The following COLEC12 variants were observed in gnomAD, a reference collection of about 807,000 sequenced individuals.
COLEC12 encodes the protein collectin subfamily member 12.
A neutral mutation model predicts 71.1 loss-of-function variants in COLEC12; 33 were observed. The ratio of observed to expected loss-of-function variants is 0.46; its 90% CI spans 0.35 to 0.62. COLEC12 has a LOEUF of 0.62. Ranked by LOEUF, COLEC12 falls within the 20% of genes least tolerant of loss-of-function variation. The pLI is 0.00. For synonymous variants in COLEC12, 350 were observed against 353.0 expected, an observed-to-expected ratio of 0.99 and a Z score of 0.10; for missense variants, 765 against 916.1, an observed-to-expected ratio of 0.84 and a Z score of 2.13.
intron 5 of COLEC12, 21 bp from the exon 6 acceptor site, chr18:335,251 G>T (rs1221845537): frequency 5.1e-6 from 8 of 1,566,834 alleles, no homozygotes; most frequent in African/African-American, 1.4e-5. Context: ...AAAGAAAAAG[G>T]TGTCAACATG....
intron 2 of COLEC12, among the ~76,000 whole-genome samples, chr18:464,142 A>T (rs1440643043): frequency 6.6e-6 from 1 of 151,616 alleles, no homozygotes; most frequent in Non-Finnish European, 1.5e-5. Flanking sequence ...TCTTGTCTGG[A>T]CTCATCTTTA....
At chr18:345,536 C>A (rs1914351977) in intron 5 of COLEC12, among the ~76,000 whole-genome samples, 4 of 152,178 alleles carry the variant, frequency 2.6e-5, no homozygotes, top group Non-Finnish European at 5.9e-5. Context: ...ATAAGCAAGA[C>A]ACATCGTTTC....
intron 8 of COLEC12, among the ~76,000 whole-genome samples, chr18:329,080 A>G (rs931927024): frequency 6.6e-6 from 1 of 152,068 alleles, no homozygotes; most frequent in Non-Finnish European, 1.5e-5. Context: ...GTGGTTGGGG[A>G]CTGGGTGCCC....
intron 1 of COLEC12, among the ~76,000 whole-genome samples, chr18:493,664 C>A (rs1296257456): frequency 6.6e-6 from 1 of 152,086 alleles, no homozygotes; most frequent in Non-Finnish European, 1.5e-5. Context: ...TTCTAGAGGG[C>A]CTTGCACACA....
intron 2 of COLEC12, among the ~76,000 whole-genome samples, chr18:424,680 G>C (rs1411441531): frequency 6.6e-6 from 1 of 152,194 alleles, no homozygotes; most frequent in Non-Finnish European, 1.5e-5. Context: ...TTCTGATGTT[G>C]TCATCTCAGG....
chr18:347,676 A>G (rs1251394898), intron 4 of COLEC12, among the ~76,000 whole-genome samples: 1 of 152,224 alleles, frequency 6.6e-6, no homozygotes, highest in Non-Finnish European at 1.5e-5. Context: ...GAAAGCAAAA[A>G]TCAAGGAATA....
intron 2 of COLEC12, among the ~76,000 whole-genome samples, chr18:396,039 C>T (rs1915563972): frequency 6.6e-6 from 1 of 152,190 alleles, no homozygotes; most frequent in Non-Finnish European, 1.5e-5. Flanking sequence ...GCTCTTGGTG[C>T]TGCTAGGTTT....
At chr18:356,944 C>T (rs1914639630) in intron 3 of COLEC12, among the ~76,000 whole-genome samples, 1 of 152,030 alleles carries the variant, frequency 6.6e-6, no homozygotes. Flanking sequence ...GAATGTGCTG[C>T]AGAGAAAAAA....
intron 2 of COLEC12, among the ~76,000 whole-genome samples, chr18:395,596 G>C (rs1031045592): frequency 6.6e-6 from 1 of 152,184 alleles, no homozygotes; most frequent in African/African-American, 2.4e-5. Context: ...TACTGTACTT[G>C]GGGAAATTAC....
Position 497,334 on chromosome 18 carries a change from T to TA in COLEC12, c.7+3173_7+3174insT, listed in dbSNP as rs879613476. On this transcript the variant is annotated intron_variant, in intron 1 of 9. Coordinates refer to ENST00000400256, the MANE Select transcript of COLEC12 (RefSeq NM_130386.3). ...GAATATTTGCTTTTGCAAATGAACTTCTTTAACTTCTATGGTGTCCACTGA... is the reference window on the plus strand; with the variant it reads ...GAATATTTGCTTTTGCAAATGAACTTACTTTAACTTCTATGGTGTCCACTGA... Among the ~76,000 whole-genome samples, 1,377 of 152,288 alleles carry TA rather than the reference T, an allele frequency of 9.0e-3. 14 individuals carry two copies. The highest frequency in any genetic ancestry group is 0.031 in the African/African-American group (1,304 of 41,550).
intron 8 of COLEC12, among the ~76,000 whole-genome samples, chr18:330,492 T>G (rs602379): frequency 4.4e-4 from 48 of 110,126 alleles, no homozygotes; most frequent in Non-Finnish European, 6.9e-4. Flanking sequence ...TCAGAGGGTT[T>G]TTTTTTTTTT....
intron 2 of COLEC12, among the ~76,000 whole-genome samples, chr18:458,769 A>G (rs892446162): frequency 6.6e-6 from 1 of 152,144 alleles, no homozygotes; most frequent in African/African-American, 2.4e-5. Flanking sequence ...ACGTGAAGCC[A>G]TTTTCCCCAG....
chr18:446,835 AATC>A (rs1376239297), intron 2 of COLEC12, among the ~76,000 whole-genome samples: 3 of 152,176 alleles, frequency 2.0e-5, no homozygotes, highest in African/African-American at 7.2e-5. Flanking sequence ...CTTCTCCCTA[AATC>A]ATCCTGAATC....
intron 3 of COLEC12, among the ~76,000 whole-genome samples, chr18:351,622 C>A (rs1309140409): frequency 6.6e-6 from 1 of 152,016 alleles, no homozygotes; most frequent in African/African-American, 2.4e-5. Flanking sequence ...GGTTGGAGTA[C>A]AATGGAATGA....
rs1170765052 is a variant in COLEC12, at chr18:340,090, A to C, written c.1328-4860T>G. Reference sequence around the variant, plus strand: ...GCCTGAAAGCAAAAAAAAAAAAAAAAACAAAAAGAACAGAGTGTTTATGAG... The same window carrying C: ...GCCTGAAAGCAAAAAAAAAAAAAAACACAAAAAGAACAGAGTGTTTATGAG... On this transcript the variant is annotated intron_variant, in intron 5 of 9. Transcript: ENST00000400256. Among the ~76,000 whole-genome samples the C allele has an allele frequency of 3.3e-5, 5 of 151,518 alleles. No individual in the cohort carries two copies. In the Middle Eastern group the frequency reaches 0.017, roughly 519 times the overall value.
Position 319,935 on chromosome 18 carries a change from T to C in COLEC12, c.*110A>G, listed in dbSNP as rs12190. ...CTGTCAATTTTTTTTCAGTAATTGG[T>C]TTTCAGTGCTTTTTTTTTTTCAATC... is the stretch of plus-strand genomic sequence containing the variant. On this transcript the variant is annotated 3_prime_UTR_variant, in exon 10 of 10. Transcript: ENST00000400256. The C allele has an allele frequency of 0.34, 251,104 of 746,286 alleles. 45,019 individuals are homozygous for C. The highest frequency in any genetic ancestry group is 0.43 in the Middle Eastern group (1,783 of 4,164). The allele number at this position is 746,286 out of a possible 1,614,324, so 46.2% of individuals were successfully genotyped here.
In COLEC12 at chr18:460,563, T is replaced by A. The variant is rs143111253; in HGVS notation, c.58+20144A>T. 3.1e-4 allele frequency among the ~76,000 whole-genome samples: 47 copies of A among 152,334 alleles called. No individual in the cohort carries two copies. In the East Asian group the frequency reaches 7.3e-3, roughly 24 times the overall value. ...ATTTGAGATTAAAAACACCAGTACA[T>A]TGCGTGTGTTTTACAAAAGACAGTT... is the stretch of plus-strand genomic sequence containing the variant. On this transcript the variant is annotated intron_variant, in intron 2 of 9. Transcript: ENST00000400256.
In COLEC12 at chr18:317,301, A is replaced by G. The variant is rs1296345844; in HGVS notation, c.*2744T>C. 1 of 152,194 alleles carries G rather than the reference A, an allele frequency of 6.6e-6. No individual in the cohort carries two copies. The highest frequency in any genetic ancestry group is 1.5e-5 in the Non-Finnish European group (1 of 68,022). 9.4% of individuals were successfully genotyped at this position (152,194 alleles called of 1,614,324 possible). On this transcript the variant is annotated 3_prime_UTR_variant, in exon 10 of 10. Coordinates refer to ENST00000400256, the MANE Select transcript of COLEC12 (RefSeq NM_130386.3). ...AGAGACGTATAGGAGGCATCTTGTA[A>G]TGTGTGATTATTCATTTGATTTTAT... is the stretch of plus-strand genomic sequence containing the variant.
At chr18:357,331 A>C in intron 3 of COLEC12, 69 bp downstream of exon 3, 1 of 1,444,948 alleles carries the variant, frequency 6.9e-7, no homozygotes, top group Non-Finnish European at 9.4e-7. Context: ...TGCAAATATG[A>C]GTTTTCTCAT....
Sources: allele counts gnomAD v4.1 joint callset (sites outside exome capture counted in the v4.1 genomes callset), GRCh38; gene constraint gnomAD v4.1.1; transcripts MANE v1.5; gene names NCBI Gene and HGNC (gene_info 2026-07-23, HGNC 2026-07-21).